Variants in C5AR1 observed in about 807,000 individuals in gnomAD.
The protein encoded by C5AR1 is complement C5a receptor 1, also known as C5a anaphylatoxin chemotactic receptor 1.
Under a neutral mutation model 2.4 loss-of-function variants are expected in C5AR1, and 4 were observed. The ratio of observed to expected loss-of-function variants is 1.65; its 90% CI spans 0.81 to 3.77. The LOEUF (loss-of-function observed/expected upper bound fraction) is 3.77. Among genes scored for constraint, C5AR1 ranks in the 30% most tolerant of loss-of-function variants. The pLI is 0.01. For missense variants in C5AR1, 418 were observed against 462.5 expected (o/e 0.90, Z 0.88); for synonymous variants, 209 against 210.4 (o/e 0.99, Z 0.06).
At chr19:47,307,714 CCTTGCCCCAGGCTCTAGGAAGTAT>C (rs2059257881), upstream of C5AR1, 1 of 152,372 alleles carries the variant, frequency 6.6e-6, no homozygotes, top group East Asian at 1.9e-4. Flanking sequence ...TAGGCTCCTT[CCTTGCCCCAGGCTCTAGGAAGTAT>C]CTTAGCCCCC....
At chr19:47,312,008 G>A (rs2059272572) in intron 1 of C5AR1, among the ~76,000 whole-genome samples, 1 of 152,200 alleles carries the variant, frequency 6.6e-6, no homozygotes, top group Non-Finnish European at 1.5e-5. Flanking sequence ...GTGATGCGGG[G>A]AACCCCAAAA....
In C5AR1 at chr19:47,320,333, G is replaced by A; in HGVS notation, c.556G>A (p.Val186Met). ...VVREEYFPPK[V>M]LCGVDYSHDK... ...CCGGGAGGAGTACTTTCCACCAAAG[G>A]TGTTGTGTGGCGTGGACTACAGCCA... Residue 186 changes from valine to methionine, a missense_variant, in exon 2 of 2, where the codon GTG (valine) becomes ATG (methionine). Coordinates refer to ENST00000355085, the MANE Select transcript of C5AR1 (RefSeq NM_001736.4). This position sits in a 1 kb window ranked among gnomAD's most constrained non-coding sequence, Gnocchi z 4.9. 2 of 1,610,016 alleles carry A rather than the reference G, an allele frequency of 1.2e-6. No individual in the cohort carries two copies. The highest frequency in any genetic ancestry group is 1.7e-6 in the Non-Finnish European group (2 of 1,180,012).
chr19:47,320,372 G>T lies in C5AR1; in HGVS notation c.595G>T (p.Glu199Ter), dbSNP rs764094062. The change falls in exon 2 of 2, where the codon GAG (glutamate) becomes TAG (stop). Residue 199 changes from glutamate to a stop codon, truncating the protein, a stop_gained. Transcript: ENST00000355085. LOFTEE classifies it low-confidence loss of function (END_TRUNC). This position sits in a 1 kb window ranked among gnomAD's most constrained non-coding sequence, Gnocchi z 4.9. ...GVDYSHDKRR[E>*]RAVAIVRLVL... Reference sequence around the variant, plus strand: ...GGACTACAGCCACGACAAACGGCGGGAGCGAGCCGTGGCCATCGTCCGGCT... The same window carrying T: ...GGACTACAGCCACGACAAACGGCGGTAGCGAGCCGTGGCCATCGTCCGGCT... 3 of 1,609,748 alleles carry T rather than the reference G, an allele frequency of 1.9e-6. No individual in the cohort carries two copies. Among genetic ancestry groups the T allele is most frequent in the East Asian group, 2.2e-5 (1 of 44,880 alleles).
In C5AR1 at chr19:47,320,704, C is replaced by T. The variant is rs765672060; in HGVS notation, c.927C>T (p.Gly309=). The T allele has an allele frequency of 6.2e-7, 1 of 1,614,198 alleles. No individual in the cohort carries two copies. Among genetic ancestry groups the T allele is most frequent in the South Asian group, 1.1e-5 (1 of 91,084 alleles). The stretch of plus-strand genomic sequence containing the variant: ...TGGTGGCCGGCCAGGGCTTCCAGGG[C>T]CGACTGCGGAAATCCCTCCCCAGCC... ...IYVVAGQGFQ[G]RLRKSLPSLL... The change falls in exon 2 of 2, where the codon GGC becomes GGT. Residue 309 remains glycine (G), a synonymous_variant. Transcript: ENST00000355085. The surrounding 1 kb of genome is among the most constrained non-coding windows in gnomAD (Gnocchi z 4.9).
At position 47,320,291 on chromosome 19, in the gene C5AR1, T is replaced by C; in HGVS notation, c.514T>C (p.Phe172Leu). 4 of 1,612,724 alleles carry C rather than the reference T, an allele frequency of 2.5e-6. No homozygotes were observed. The highest frequency in any genetic ancestry group is 2.7e-5 in the African/African-American group (2 of 75,052). The change falls in exon 2 of 2, where the codon TTC becomes CTC. Residue 172 changes from phenylalanine to leucine, a missense_variant. Phe to Leu is a conservative substitution (Grantham distance 22). Coordinates refer to ENST00000355085, the MANE Select transcript of C5AR1 (RefSeq NM_001736.4). This position sits in a 1 kb window ranked among gnomAD's most constrained non-coding sequence, Gnocchi z 4.9. ...AGCCCTGCTGCTGACCATACCCTCC[T>C]TCCTGTACCGGGTGGTCCGGGAGGA... ...GLALLLTIPS[F>L]LYRVVREEYF...
At chr19:47,319,748 C>T (rs1011115887) in intron 1 of C5AR1, 33 bp from the exon 2 acceptor site, 7 of 1,411,822 alleles carry the variant, frequency 5.0e-6, no homozygotes, top group Non-Finnish European at 7.0e-6. Context: ...TGTCTGCAGA[C>T]TCATCCTCTC....
chr19:47,308,368 A>G (rs1011928828), upstream of C5AR1, among the ~76,000 whole-genome samples: 4 of 152,072 alleles, frequency 2.6e-5, no homozygotes. Context: ...CAGGAAAACA[A>G]GCTCAGGGAT....
intron 1 of C5AR1, among the ~76,000 whole-genome samples, chr19:47,318,959 C>G (rs558561642): frequency 7.0e-6 from 1 of 143,710 alleles, no homozygotes; most frequent in Non-Finnish European, 1.5e-5. Context: ...TGTTTCGGCT[C>G]ACTGCAACCT....
chr19:47,319,560 C>T (rs958185951), intron 1 of C5AR1, among the ~76,000 whole-genome samples: 6 of 152,072 alleles, frequency 3.9e-5, no homozygotes, highest in Non-Finnish European at 8.8e-5. Context: ...CCGCCCGCCT[C>T]GGCCTCCCAA....
chr19:47,320,099 G>A lies in C5AR1; in HGVS notation c.322G>A (p.Ala108Thr), dbSNP rs1198210885. The A allele has an allele frequency of 7.4e-6, 12 of 1,614,098 alleles. No homozygotes were observed. Among genetic ancestry groups the A allele is most frequent in the Admixed American group, 3.3e-5 (2 of 60,030 alleles). Residue 108 changes from alanine (A) to threonine (T), a missense_variant, in exon 2 of 2, where the codon GCC becomes ACC. Ala to Thr is a moderately conservative substitution (Grantham distance 58). Transcript: ENST00000355085. The surrounding 1 kb of genome is among the most constrained non-coding windows in gnomAD (Gnocchi z 4.9). ...TCACCACTGGCCCTTTGGCGGGGCC[G>A]CCTGCAGCATCCTGCCCTCCCTCAT... The part of the protein sequence containing the change: ...QHHHWPFGGA[A>T]CSILPSLILL...
In C5AR1 at chr19:47,319,304, A is replaced by ATTT. The variant is rs34731685; in HGVS notation, c.4-457_4-455dup. Reference sequence around the variant, plus strand: ...GGTCCAACTAGCATGGAATCATTTCATTTTTTTTTTTTTTTTTTTTTTGAG... The same window carrying ATTT: ...GGTCCAACTAGCATGGAATCATTTCATTTTTTTTTTTTTTTTTTTTTTTTTGAG... On this transcript the variant is annotated intron_variant, in intron 1 of 1. Transcript: ENST00000355085. Among the ~76,000 whole-genome samples the ATTT allele has an allele frequency of 3.1e-3, 292 of 94,076 alleles. 8 individuals are homozygous for ATTT. The highest frequency in any genetic ancestry group is 3.8e-3 in the Non-Finnish European group (198 of 51,958). The allele number at this position is 94,076 out of a possible 152,430, so 61.7% of individuals were successfully genotyped here.
intron 1 of C5AR1, among the ~76,000 whole-genome samples, chr19:47,313,642 G>T (rs1051982462): frequency 1.3e-5 from 2 of 152,076 alleles, no homozygotes; most frequent in African/African-American, 4.8e-5. Flanking sequence ...TACTCGGGAG[G>T]CTGAGGCTAG....
Position 47,321,811 on chromosome 19 carries a change from C to T in C5AR1, c.*981C>T, listed in dbSNP as rs2059311802. ...CAAAACTACAATGTAGTCTCATAAC[C>T]AGGATATTGACATTGATACAGTGAA... On this transcript the variant is annotated 3_prime_UTR_variant, in exon 2 of 2. Coordinates refer to ENST00000355085, the MANE Select transcript of C5AR1 (RefSeq NM_001736.4). 1 of 152,028 alleles carries T rather than the reference C, an allele frequency of 6.6e-6. No individual in the cohort carries two copies. The highest frequency in any genetic ancestry group is 2.4e-5 in the African/African-American group (1 of 41,376). 9.4% of individuals were successfully genotyped at this position (152,028 alleles called of 1,614,324 possible). A position where few individuals can be genotyped will look rare whatever the true frequency, so the allele number is the denominator to read the frequency against.
chr19:47,317,487 G>A (rs150670854), intron 1 of C5AR1, among the ~76,000 whole-genome samples: 7,496 of 136,540 alleles, frequency 0.055, 262 homozygotes, highest in Middle Eastern at 0.091. Flanking sequence ...CAGCCTGGGT[G>A]ACAGAGTGAG....
chr19:47,309,977 T>G, intron 1 of C5AR1, 79 bp downstream of exon 1: 1 of 1,444,680 alleles, frequency 6.9e-7, no homozygotes, highest in Non-Finnish European at 9.6e-7. Flanking sequence ...TCCTTCTCTC[T>G]CCCCAACTCT....
intron 1 of C5AR1, among the ~76,000 whole-genome samples, chr19:47,313,407 G>GC (rs995941396): frequency 1.3e-5 from 2 of 151,766 alleles, no homozygotes; most frequent in Admixed American, 6.6e-5. Context: ...TAGAATGCAT[G>GC]CCCCCCCACT....
upstream of C5AR1, among the ~76,000 whole-genome samples, chr19:47,309,624 C>G (rs2087059980): frequency 1.3e-5 from 2 of 150,072 alleles, no homozygotes; most frequent in Admixed American, 1.3e-4. Context: ...AATAGGGAAA[C>G]CAAGGCCAGG....
At chr19:47,315,368 C>T (rs564071809) in intron 1 of C5AR1, among the ~76,000 whole-genome samples, 91 of 152,234 alleles carry the variant, frequency 6.0e-4, no homozygotes, top group African/African-American at 2.1e-3. Flanking sequence ...TTGGAATCAG[C>T]GTATTTTTTC....
At chr19:47,314,647 C>G (rs753640957) in intron 1 of C5AR1, among the ~76,000 whole-genome samples, 13 of 152,080 alleles carry the variant, frequency 8.5e-5, no homozygotes, top group Non-Finnish European at 1.8e-4. Flanking sequence ...ATCCACCCGC[C>G]TGGGCCTCCC....
Sources: gnomAD v4.1 joint callset for allele counts (sites outside exome capture counted in the v4.1 genomes callset) on GRCh38, gnomAD v4.1.1 for gene constraint, Gnocchi (gnomAD v3.1) non-coding constraint, MANE v1.5 for transcripts, NCBI Gene and HGNC (gene_info 2026-07-23, HGNC 2026-07-21) for gene names.